The following CYFIP2 variants were observed in gnomAD, a reference collection of about 807,000 sequenced individuals.
The protein encoded by CYFIP2 is cytoplasmic FMR1-interacting protein 2.
In CYFIP2, 29 loss-of-function variants were observed where a neutral mutation model predicts 158.7. The observed-to-expected ratio is 0.18, with a 90% CI of 0.14 to 0.25. The LOEUF is 0.25. Ranked by LOEUF, CYFIP2 falls within the 10% of genes least tolerant of loss-of-function variation. CYFIP2 has a pLI of 1.00. For missense variants in CYFIP2, 852 were observed against 1,639.5 expected (o/e 0.52, Z 8.29); for synonymous variants, 585 against 617.6 (o/e 0.95, Z 0.78).
chr5:157,351,712 G>T (rs1581123277), intron 23 of CYFIP2, among the ~76,000 whole-genome samples: 1 of 152,152 alleles, frequency 6.6e-6, no homozygotes, highest in South Asian at 2.1e-4. Flanking sequence ...TGCTCTGCTT[G>T]TACCATCCTG....
intron 28 of CYFIP2, chr5:157,384,960 A>AAAAAAAC: frequency 6.1e-6 from 1 of 164,104 alleles, no homozygotes; most frequent in African/African-American, 2.4e-5. Flanking sequence ...AAAAAAAAAA[A>AAAAAAAC]AAAGCAGCTA....
At chr5:157,283,374 A>T (rs1447515789) in intron 1 of CYFIP2, among the ~76,000 whole-genome samples, 1 of 152,222 alleles carries the variant, frequency 6.6e-6, no homozygotes, top group African/African-American at 2.4e-5. Context: ...CATTATGCCC[A>T]GTAAAATCAT....
At chr5:157,273,405 T>A (rs189592360) in intron 1 of CYFIP2, among the ~76,000 whole-genome samples, 62 of 152,248 alleles carry the variant, frequency 4.1e-4, no homozygotes, top group Admixed American at 2.2e-3. Flanking sequence ...GCAGTAATAT[T>A]ATTACTCCTC....
chr5:157,271,471 C>T (rs1477281664), intron 1 of CYFIP2: 2 of 152,714 alleles, frequency 1.3e-5, no homozygotes, highest in Non-Finnish European at 1.5e-5. Context: ...CCCCCCAACT[C>T]TGCTCCATTC....
rs1283850132 is a variant in CYFIP2 at position 157,361,038 on chromosome 5, C to A, written c.2909-430C>A. Among the ~76,000 whole-genome samples, 1 of 152,206 alleles carries A rather than the reference C, an allele frequency of 6.6e-6. No individual in the cohort carries two copies. The highest frequency in any genetic ancestry group is 1.5e-5 in the Non-Finnish European group (1 of 68,040). ...GGGCATGCCCCTTACCCTCTCTGAG[C>A]CTCATCTGAAACCAGGGTAATAGTG... On this transcript the variant is annotated intron_variant, in intron 25 of 30. Transcript: ENST00000620254. The surrounding 1 kb of genome is among the most constrained non-coding windows in gnomAD (Gnocchi z 4.4).
At chr5:157,385,059 CAG>C (rs1324894893) in intron 28 of CYFIP2, 3 of 151,034 alleles carry the variant, frequency 2.0e-5, no homozygotes, top group Non-Finnish European at 4.4e-5. Context: ...AGAGGCTAAA[CAG>C]AGGAGATCCT....
chr5:157,375,214 G>A (rs1255215444), intron 26 of CYFIP2, among the ~76,000 whole-genome samples: 1 of 152,198 alleles, frequency 6.6e-6, no homozygotes, highest in African/African-American at 2.4e-5. Context: ...ATGAGACCAG[G>A]CCTTTGGCAG....
chr5:157,305,115 A>ATG (rs1759104427), intron 8 of CYFIP2, among the ~76,000 whole-genome samples: 1 of 152,140 alleles, frequency 6.6e-6, no homozygotes, highest in African/African-American at 2.4e-5. Flanking sequence ...GTATTTCATG[A>ATG]TGTATATATA....
At position 157,361,342 on chromosome 5, in the gene CYFIP2, A is replaced by G; in HGVS notation, c.2909-126A>G. 8.5e-7 allele frequency: 1 copy of G among 1,175,934 alleles called. No individual in the cohort carries two copies. Among genetic ancestry groups the G allele is most frequent in the Admixed American group, 2.1e-5 (1 of 48,650 alleles). The allele number at this position is 1,175,934 out of a possible 1,614,324, so 72.8% of individuals were successfully genotyped here. A position where few individuals can be genotyped will look rare whatever the true frequency, so the allele number is the denominator to read the frequency against. On this transcript the variant is annotated intron_variant, in intron 25 of 30. Transcript: ENST00000620254. This position sits in a 1 kb window ranked among gnomAD's most constrained non-coding sequence, Gnocchi z 4.4. ...ATCTCACTCTGGGCCTGCAGGTAAG[A>G]GGGATGCGTGGTTTGGCTTTTTGCT...
intron 9 of CYFIP2, 42 bp from the exon 10 acceptor site, chr5:157,309,701 C>T: frequency 6.4e-7 from 1 of 1,554,312 alleles, no homozygotes; most frequent in African/African-American, 1.4e-5. Context: ...CCACCCCAAC[C>T]CCTCCTCAGC....
At chr5:157,384,171 GA>G in intron 28 of CYFIP2, 1 of 404,624 alleles carries the variant, frequency 2.5e-6, no homozygotes, top group Non-Finnish European at 5.0e-6. Flanking sequence ...AAACCAGTAC[GA>G]GTCACGATGA....
Position 157,340,100 on chromosome 5 carries a change from AGGTGCACACGGCCC to A in CYFIP2, c.2585+847_2585+860del, listed in dbSNP as rs1762139904. Among the ~76,000 whole-genome samples, 5 of 152,386 alleles carry A rather than the reference AGGTGCACACGGCCC, an allele frequency of 3.3e-5. No homozygotes were observed. In the South Asian group the frequency reaches 1.0e-3, roughly 32 times the overall value. On this transcript the variant is annotated intron_variant, in intron 22 of 30. Coordinates refer to ENST00000620254, the MANE Select transcript of CYFIP2 (RefSeq NM_001037333.3). The stretch of plus-strand genomic sequence containing the variant: ...GACAAAGTGGAACTTGCCTCCTGCA[AGGTGCACACGGCCC>A]GGGGCCAGGCACTGAGGTAGAGACA...
chr5:157,329,311 A>G (rs1761264922), intron 19 of CYFIP2, among the ~76,000 whole-genome samples: 1 of 152,226 alleles, frequency 6.6e-6, no homozygotes, highest in Admixed American at 6.5e-5. Context: ...CTTCTGTAAG[A>G]CAATTCTGAT....
chr5:157,324,021 T>C lies in CYFIP2; in HGVS notation c.1772T>C (p.Ile591Thr). 1.9e-6 allele frequency: 3 copies of C among 1,613,864 alleles called. No individual in the cohort carries two copies. The highest frequency in any genetic ancestry group is 2.5e-6 in the Non-Finnish European group (3 of 1,179,820). ...SSLDGPIVLA[I>T]EDFHKQSFFF... ...CTGGATGGACCCATTGTCCTCGCCA[T>C]AGAGGACTTTCACAAACAGTCCTTC... Residue 591 changes from isoleucine to threonine, a missense_variant, in exon 16 of 31, where the codon ATA (isoleucine) becomes ACA (threonine). Ile to Thr is a moderately conservative substitution (Grantham distance 89). Coordinates refer to ENST00000620254, the MANE Select transcript of CYFIP2 (RefSeq NM_001037333.3).
chr5:157,343,306 G>C (rs1210490682), intron 23 of CYFIP2: 3 of 1,614,200 alleles, frequency 1.9e-6, no homozygotes, highest in East Asian at 4.5e-5. Context: ...CCTTCTTACA[G>C]CTGATGCACA....
intron 23 of CYFIP2, among the ~76,000 whole-genome samples, chr5:157,348,643 C>T (rs936932062): frequency 2.6e-5 from 4 of 152,190 alleles, no homozygotes; most frequent in Non-Finnish European, 5.9e-5. Flanking sequence ...AACTTCTGAC[C>T]TCAGGTGATC....
intron 13 of CYFIP2, among the ~76,000 whole-genome samples, chr5:157,319,034 G>A (rs1210417586): frequency 6.6e-6 from 1 of 152,158 alleles, no homozygotes; most frequent in Non-Finnish European, 1.5e-5. Flanking sequence ...CCCTTCCTCG[G>A]GATGGGCAGG....
intron 1 of CYFIP2, among the ~76,000 whole-genome samples, chr5:157,283,175 C>T (rs1441915516): frequency 3.3e-5 from 5 of 152,212 alleles, no homozygotes; most frequent in Non-Finnish European, 2.9e-5. Flanking sequence ...AATTAAATGC[C>T]GAGGTTCTGT....
chr5:157,373,623 T>C (rs1317649040), intron 26 of CYFIP2, among the ~76,000 whole-genome samples: 2 of 152,158 alleles, frequency 1.3e-5, no homozygotes, highest in Admixed American at 6.5e-5. Context: ...TAACTAAATA[T>C]AGGCCCAAAA....
Sources: allele counts gnomAD v4.1 joint callset (sites outside exome capture counted in the v4.1 genomes callset), GRCh38; gene constraint gnomAD v4.1.1; non-coding constraint Gnocchi (gnomAD v3.1); transcripts MANE v1.5; gene names NCBI Gene and HGNC (gene_info 2026-07-23, HGNC 2026-07-21).